CLYBL: variants seen among roughly 807,000 people sequenced by gnomAD.
The protein encoded by CLYBL is citramalyl-CoA lyase, mitochondrial.
A neutral mutation model predicts 38.9 loss-of-function variants in CLYBL; 31 were observed. The observed-to-expected ratio is 0.80, with a 90% CI of 0.60 to 1.08. The LOEUF (loss-of-function observed/expected upper bound fraction) is 1.08, where lower values mean the gene tolerates loss of function less well. Ranked by LOEUF, CLYBL falls within the 50% of genes least tolerant of loss-of-function variation. The pLI is 0.00. For missense variants in CLYBL, 434 were observed against 411.6 expected, an observed-to-expected ratio of 1.05 and a Z score of -0.47; for synonymous variants, 171 against 158.6, an observed-to-expected ratio of 1.08 and a Z score of -0.59.
chr13:99,671,779 C>CAAA lies in CLYBL; in HGVS notation c.62+65036_62+65038dup, dbSNP rs753315768. Among the ~76,000 whole-genome samples the CAAA allele has an allele frequency of 6.7e-3, 597 of 88,700 alleles. 5 individuals carry two copies. Among genetic ancestry groups the CAAA allele is most frequent in the African/African-American group, 0.021 (566 of 27,470 alleles). 58.2% of individuals were successfully genotyped at this position (88,700 alleles called of 152,430 possible). A position where few individuals can be genotyped will look rare whatever the true frequency, so the allele number is the denominator to read the frequency against. ...TGGGTGACACAGCAAGACTCTTTCT[C>CAAA]AAAAAAAAAAAAAAAATAATAAAAG... On this transcript the variant is annotated intron_variant, in intron 1 of 8. Transcript: ENST00000339105.
rs1489322291 is a variant in CLYBL at position 99,838,875 on chromosome 13, G to A, written c.250-19986G>A. The stretch of plus-strand genomic sequence containing the variant: ...AGTATGGTCTCAATCTCCTGACCTC[G>A]TGATCCACCCGCCTCGGCCTCCCAA... On this transcript the variant is annotated intron_variant, in intron 2 of 8. Transcript: ENST00000339105. Among the ~76,000 whole-genome samples the A allele has an allele frequency of 5.3e-5, 8 of 152,118 alleles. No individual in the cohort carries two copies. In the East Asian group the frequency reaches 9.6e-4, roughly 18 times the overall value.
chr13:99,647,441 C>T (rs1439062589), intron 1 of CLYBL, among the ~76,000 whole-genome samples: 1 of 151,890 alleles, frequency 6.6e-6, no homozygotes, highest in Non-Finnish European at 1.5e-5. Context: ...CGGCCCCGCC[C>T]CCCATCACAA....
intron 1 of CLYBL, among the ~76,000 whole-genome samples, chr13:99,641,324 G>A (rs1177530905): frequency 2.0e-5 from 3 of 152,168 alleles, no homozygotes; most frequent in Non-Finnish European, 2.9e-5. Context: ...TATTGACATT[G>A]TGCATCTTCC....
chr13:99,866,535 G>A (rs2051749857), intron 6 of CLYBL, 128 bp downstream of exon 6: 1 of 742,164 alleles, frequency 1.3e-6, no homozygotes, highest in Non-Finnish European at 2.0e-6. Flanking sequence ...TGAAATATGA[G>A]CAAGTCACAC....
intron 8 of CLYBL, among the ~76,000 whole-genome samples, chr13:99,904,043 CTT>C (rs1376962783): frequency 5.1e-5 from 7 of 137,404 alleles, no homozygotes; most frequent in African/African-American, 1.8e-4. Context: ...AGACCCCTCT[CTT>C]AAAAAAAAAA....
Position 99,869,162 on chromosome 13 carries a change from A to G in CLYBL, c.803-1776A>G, listed in dbSNP as rs906565405. On this transcript the variant is annotated intron_variant, in intron 6 of 8. Transcript: ENST00000339105. This position sits in a 1 kb window ranked among gnomAD's most constrained non-coding sequence, Gnocchi z 4.3. ...CGTTCACACATTTCTAAAACCTAAC[A>G]TGTATCTTAAAATTAGCCTCATTGC... 6.6e-6 allele frequency among the ~76,000 whole-genome samples: 1 copy of G among 152,198 alleles called. No individual in the cohort carries two copies. The highest frequency in any genetic ancestry group is 2.4e-5 in the African/African-American group (1 of 41,446).
rs752609978 is a variant in CLYBL at position 99,909,201 on chromosome 13, T to A, written c.*1307T>A. On this transcript the variant is annotated 3_prime_UTR_variant and NMD_transcript_variant, in exon 10 of 10. Coordinates refer to the CLYBL transcript ENST00000689673. ...TGTACAGGGCAGAGAGGCTGCACTG[T>A]GTCATTTAATCACGAAGACTCTGTT... Among the ~76,000 whole-genome samples the A allele has an allele frequency of 1.3e-4, 20 of 152,184 alleles. 1 individual carries two copies. Among genetic ancestry groups the A allele is most frequent in the Admixed American group, 6.5e-5 (1 of 15,286 alleles).
chr13:99,788,035 T>C (rs1238187811), intron 2 of CLYBL, among the ~76,000 whole-genome samples: 2 of 152,330 alleles, frequency 1.3e-5, no homozygotes, highest in East Asian at 3.9e-4. Context: ...CTTGTGATTT[T>C]TGCACATTGA....
intron 2 of CLYBL, among the ~76,000 whole-genome samples, chr13:99,785,468 T>A (rs1293858625): frequency 6.6e-6 from 1 of 152,050 alleles, no homozygotes; most frequent in Non-Finnish European, 1.5e-5. Flanking sequence ...AATTCATTCT[T>A]ACACATTATT....
At chr13:99,631,404 T>TATACATATATTAC (rs2046943215) in intron 1 of CLYBL, among the ~76,000 whole-genome samples, 1 of 151,766 alleles carries the variant, frequency 6.6e-6, no homozygotes, top group Non-Finnish European at 1.5e-5. Flanking sequence ...ATATATAATA[T>TATACATATATTAC]ATACATATAT....
intron 2 of CLYBL, among the ~76,000 whole-genome samples, chr13:99,797,735 A>G (rs1001121795): frequency 6.6e-6 from 1 of 152,196 alleles, no homozygotes; most frequent in Non-Finnish European, 1.5e-5. Context: ...TGCAACTTGC[A>G]AACACCCATA....
chr13:99,638,821 T>G (rs1192642084), intron 1 of CLYBL, among the ~76,000 whole-genome samples: 1 of 152,172 alleles, frequency 6.6e-6, no homozygotes, highest in Non-Finnish European at 1.5e-5. Flanking sequence ...GACTCTTAGG[T>G]CCCCATGAGC....
intron 7 of CLYBL, among the ~76,000 whole-genome samples, chr13:99,888,608 C>G (rs1196833790): frequency 1.3e-5 from 2 of 152,030 alleles, no homozygotes; most frequent in African/African-American, 4.8e-5. Context: ...AAAAAATTAG[C>G]CAAACGTGGT....
At chr13:99,777,203 C>T (rs2049536418) in intron 2 of CLYBL, among the ~76,000 whole-genome samples, 1 of 152,000 alleles carries the variant, frequency 6.6e-6, no homozygotes, top group Non-Finnish European at 1.5e-5. Context: ...TGAATTATAC[C>T]ATGAATGTGC....
intron 1 of CLYBL, among the ~76,000 whole-genome samples, chr13:99,682,446 G>A (rs544766081): frequency 6.6e-5 from 10 of 151,962 alleles, no homozygotes; most frequent in African/African-American, 1.9e-4. Flanking sequence ...CCAGCCAGGG[G>A]TAAGGATTTC....
intron 1 of CLYBL, among the ~76,000 whole-genome samples, chr13:99,624,576 C>T (rs548886788): frequency 2.0e-5 from 3 of 152,286 alleles, no homozygotes; most frequent in South Asian, 2.1e-4. Flanking sequence ...AAAGTATAAA[C>T]GGCGCATCTT....
chr13:99,866,457 A>G, intron 6 of CLYBL, 50 bp downstream of exon 6: 1 of 1,561,254 alleles, frequency 6.4e-7, no homozygotes, highest in Non-Finnish European at 8.7e-7. Flanking sequence ...AGCATTCCAG[A>G]AAAATAGAAA....
At chr13:99,647,510 A>C (rs894053297) in intron 1 of CLYBL, among the ~76,000 whole-genome samples, 10 of 152,178 alleles carry the variant, frequency 6.6e-5, no homozygotes, top group Non-Finnish European at 1.5e-5. Context: ...ATAAAAACAA[A>C]ATGTGTGAAG....
intron 1 of CLYBL, among the ~76,000 whole-genome samples, chr13:99,609,326 G>A (rs140414416): frequency 2.0e-5 from 3 of 151,572 alleles, no homozygotes; most frequent in East Asian, 1.9e-4. Context: ...ACAGGCACGC[G>A]CCACCACGTC....
Sources: gnomAD v4.1 joint callset for allele counts (sites outside exome capture counted in the v4.1 genomes callset) on GRCh38, gnomAD v4.1.1 for gene constraint, Gnocchi (gnomAD v3.1) non-coding constraint, MANE v1.5 for transcripts, NCBI Gene and HGNC (gene_info 2026-07-23, HGNC 2026-07-21) for gene names.